Variants in NMNAT3 observed in about 807,000 individuals in gnomAD.
The protein encoded by NMNAT3 is nicotinamide/nicotinic acid mononucleotide adenylyltransferase 3.
Under a neutral mutation model 24.8 loss-of-function variants are expected in NMNAT3, and 21 were observed. That is an observed-to-expected ratio of 0.85 (90% CI 0.60 to 1.22). NMNAT3 has a LOEUF of 1.22. Among genes scored for constraint, NMNAT3 ranks in the 50% most tolerant of loss-of-function variants. NMNAT3 has a pLI of 0.00. For synonymous variants in NMNAT3, 136 were observed against 155.2 expected (o/e 0.88, Z 0.92); for missense variants, 387 against 436.6 (o/e 0.89, Z 1.01).
intron 1 of NMNAT3, among the ~76,000 whole-genome samples, chr3:139,675,813 C>T: frequency 6.6e-6 from 1 of 152,310 alleles, no homozygotes; most frequent in East Asian, 1.9e-4. Context: ...CCCATAATAA[C>T]CTTCTGAGGT....
intron 3 of NMNAT3, among the ~76,000 whole-genome samples, chr3:139,601,345 C>A (rs2108219001): frequency 6.6e-6 from 1 of 152,294 alleles, no homozygotes; most frequent in South Asian, 2.1e-4. Flanking sequence ...GCTGTGTGAC[C>A]TGGGGCAAAT....
intron 2 of NMNAT3, chr3:139,636,613 G>A (rs912924610): frequency 1.4e-4 from 21 of 152,216 alleles, no homozygotes; most frequent in African/African-American, 4.1e-4. Context: ...AGGAGCTTGC[G>A]TTCCTAGATG....
intron 3 of NMNAT3, among the ~76,000 whole-genome samples, chr3:139,610,377 A>G (rs1210187163): frequency 6.6e-6 from 1 of 152,222 alleles, no homozygotes; most frequent in African/African-American, 2.4e-5. Flanking sequence ...TTAAATCAGG[A>G]AAGCATTTTA....
At chr3:139,593,235 C>A (rs374224958) in intron 3 of NMNAT3, among the ~76,000 whole-genome samples, 40 of 152,142 alleles carry the variant, frequency 2.6e-4, no homozygotes, top group African/African-American at 9.7e-4. Context: ...GCCATTACAT[C>A]ATGGTAAAGG....
At position 139,663,299 on chromosome 3, in the gene NMNAT3, G is replaced by A. The variant is rs1178949486; in HGVS notation, c.-141+14406C>T. ...ATAAGCATATTTGTGATTAGATTGG[G>A]TCCACCTGGATGGTCCAGGATATTC... On this transcript the variant is annotated intron_variant, in intron 1 of 6. Coordinates refer to ENST00000643695, the MANE Select transcript of NMNAT3 (RefSeq NM_001320510.2). Among the ~76,000 whole-genome samples, 4 of 152,174 alleles carry A rather than the reference G, an allele frequency of 2.6e-5. No individual in the cohort carries two copies. In the East Asian group the frequency reaches 7.7e-4, roughly 29 times the overall value.
intron 3 of NMNAT3, among the ~76,000 whole-genome samples, chr3:139,594,931 T>C (rs2054376888): frequency 6.6e-6 from 1 of 152,130 alleles, no homozygotes; most frequent in Non-Finnish European, 1.5e-5. Context: ...TCACCACTCC[T>C]ATTCAACATA....
chr3:139,588,148 C>T (rs1474987065), intron 3 of NMNAT3, among the ~76,000 whole-genome samples: 1 of 152,174 alleles, frequency 6.6e-6, no homozygotes, highest in African/African-American at 2.4e-5. Context: ...CAGTGACCCT[C>T]TCAGGCCCTC....
At chr3:139,620,066 G>C (rs2108286184) in intron 3 of NMNAT3, among the ~76,000 whole-genome samples, 1 of 152,120 alleles carries the variant, frequency 6.6e-6, no homozygotes, top group South Asian at 2.1e-4. Flanking sequence ...TCCATATATG[G>C]TATTTAGTTT....
chr3:139,570,319 G>A (rs149022850), intron 6 of NMNAT3: 5 of 151,938 alleles, frequency 3.3e-5, no homozygotes, highest in Admixed American at 1.3e-4. Flanking sequence ...TAGTTTGATC[G>A]TCTGAAGCCT....
At chr3:139,591,083 A>T (rs2054143748) in intron 3 of NMNAT3, among the ~76,000 whole-genome samples, 1 of 151,710 alleles carries the variant, frequency 6.6e-6, no homozygotes, top group African/African-American at 2.4e-5. Flanking sequence ...AGGGAGTGCC[A>T]GACAGTGGGC....
intron 1 of NMNAT3, among the ~76,000 whole-genome samples, chr3:139,644,837 A>G (rs2056817935): frequency 6.6e-6 from 1 of 152,210 alleles, no homozygotes; most frequent in Admixed American, 6.5e-5. Context: ...TTTAGAGTCA[A>G]TCTAGTGAAA....
At chr3:139,574,293 G>A (rs1938947264) in intron 5 of NMNAT3, among the ~76,000 whole-genome samples, 1 of 152,244 alleles carries the variant, frequency 6.6e-6, no homozygotes, top group Admixed American at 6.5e-5. Context: ...GTGACCCTGG[G>A]TGGGTGATTT....
At chr3:139,676,450 C>A (rs1193336538) in intron 1 of NMNAT3, among the ~76,000 whole-genome samples, 2 of 152,200 alleles carry the variant, frequency 1.3e-5, no homozygotes, top group African/African-American at 4.8e-5. Flanking sequence ...AAGCTGAGAA[C>A]CACCAATGAA....
intron 6 of NMNAT3, chr3:139,571,253 T>G (rs931532653): frequency 3.3e-5 from 5 of 152,362 alleles, no homozygotes; most frequent in African/African-American, 1.2e-4. Context: ...CTGTCACTGC[T>G]TTCTTTGACT....
intron 3 of NMNAT3, among the ~76,000 whole-genome samples, chr3:139,594,162 C>T (rs1457956034): frequency 1.3e-5 from 2 of 152,098 alleles, no homozygotes; most frequent in Non-Finnish European, 2.9e-5. Context: ...TACAAACTAC[C>T]ATCAGAGAAT....
intron 1 of NMNAT3, among the ~76,000 whole-genome samples, chr3:139,671,920 T>C (rs977663974): frequency 2.0e-5 from 3 of 152,222 alleles, no homozygotes; most frequent in African/African-American, 4.8e-5. Context: ...GATTCCCTCA[T>C]TGACACTGAC....
rs571548121 is a variant in NMNAT3 at position 139,594,360 on chromosome 3, C to T, written c.110-11152G>A. Among the ~76,000 whole-genome samples, 7 of 152,306 alleles carry T rather than the reference C, an allele frequency of 4.6e-5. No homozygotes were observed. The South Asian group carries it at 1.5e-3, about 32-fold the overall frequency. On this transcript the variant is annotated intron_variant, in intron 3 of 6. Coordinates refer to ENST00000643695, the MANE Select transcript of NMNAT3 (RefSeq NM_001320510.2). ...AAAAGAGTCCAGGACCTGATGGATT[C>T]ACACCTGAATTCTACCAGAGGTACA...
chr3:139,630,742 C>T (rs561594378), intron 2 of NMNAT3, among the ~76,000 whole-genome samples: 1 of 152,174 alleles, frequency 6.6e-6, no homozygotes, highest in African/African-American at 2.4e-5. Context: ...AGGAATACCC[C>T]CAACTGTGTG....
At chr3:139,575,648 G>T in intron 5 of NMNAT3, 1 of 1,016,496 alleles carries the variant, frequency 9.8e-7, no homozygotes, top group South Asian at 4.0e-5. Context: ...CTTTGTTGTG[G>T]AAATAATTAC....
Sources: gnomAD v4.1 joint callset for allele counts (sites outside exome capture counted in the v4.1 genomes callset) on GRCh38, gnomAD v4.1.1 for gene constraint, MANE v1.5 for transcripts, NCBI Gene and HGNC (gene_info 2026-07-23, HGNC 2026-07-21) for gene names.